Variants in ANKRD30B observed in about 807,000 individuals in gnomAD.
The protein encoded by ANKRD30B is ankyrin repeat domain-containing protein 30B.
Under a neutral mutation model 202.2 loss-of-function variants are expected in ANKRD30B, and 144 were observed. That is an observed-to-expected ratio of 0.71 (90% confidence interval 0.62 to 0.82). ANKRD30B has a LOEUF of 0.82. Among genes scored for constraint, ANKRD30B ranks in the 40% least tolerant of loss-of-function variants. The pLI, the probability that ANKRD30B is intolerant of heterozygous loss-of-function variation, is 0.00. For missense variants in ANKRD30B, 1,487 were observed against 1,669.1 expected (o/e 0.89, Z 1.90); for synonymous variants, 508 against 561.3 (o/e 0.91, Z 1.34).
chr18:14,815,728 G>A (rs1239237085), intron 30 of ANKRD30B, among the ~76,000 whole-genome samples: 2 of 152,218 alleles, frequency 1.3e-5, no homozygotes, highest in African/African-American at 4.8e-5. Flanking sequence ...TTTTAACATA[G>A]AAAATGTTAT....
At chr18:14,912,275 A>G in the ANKRD30B span, among the ~76,000 whole-genome samples, 6 of 152,202 alleles carry the variant, frequency 3.9e-5, no homozygotes, top group Non-Finnish European at 8.8e-5. Context: ...GACCTTTATT[A>G]TGATGAGCTG....
chr18:14,886,794 G>T, the ANKRD30B span, among the ~76,000 whole-genome samples: 1 of 152,046 alleles, frequency 6.6e-6, no homozygotes, highest in Non-Finnish European at 1.5e-5. Context: ...CCCTCAATAT[G>T]CTCACAAGAC....
At chr18:14,792,886 C>A (rs1424165382) in intron 16 of ANKRD30B, among the ~76,000 whole-genome samples, 2 of 151,978 alleles carry the variant, frequency 1.3e-5, no homozygotes, top group Admixed American at 6.6e-5. Context: ...ACATGATATA[C>A]CAAACCAGAC....
intron 36 of ANKRD30B, among the ~76,000 whole-genome samples, chr18:14,839,735 A>G (rs548815132): frequency 1.6e-4 from 25 of 152,328 alleles, no homozygotes; most frequent in Middle Eastern, 3.4e-3. Context: ...GCAGTTCTGT[A>G]TCAGCAAAAA....
chr18:14,852,533 A>T, intron 42 of ANKRD30B, 113 bp downstream of exon 42: 1 of 1,296,778 alleles, frequency 7.7e-7, no homozygotes, highest in Non-Finnish European at 1.0e-6. Context: ...AAATGTACTT[A>T]CTATATCAGC....
chr18:14,786,249 C>A (rs1183487909), intron 14 of ANKRD30B, among the ~76,000 whole-genome samples: 1 of 152,080 alleles, frequency 6.6e-6, no homozygotes, highest in Non-Finnish European at 1.5e-5. Flanking sequence ...CATTTTCTGT[C>A]TTATGTGCCT....
the ANKRD30B span, among the ~76,000 whole-genome samples, chr18:14,939,096 C>G: frequency 6.6e-6 from 1 of 152,210 alleles, no homozygotes; most frequent in Non-Finnish European, 1.5e-5. Flanking sequence ...TCTCTTGTCT[C>G]TTCAAAGTGA....
downstream of ANKRD30B, among the ~76,000 whole-genome samples, chr18:14,856,125 A>G (rs1419480433): frequency 7.9e-6 from 1 of 126,806 alleles, no homozygotes; most frequent in Non-Finnish European, 1.7e-5. Flanking sequence ...CGGGGAGACC[A>G]GGAAGAGGTG....
chr18:14,780,606 G>A (rs911143764), intron 11 of ANKRD30B, among the ~76,000 whole-genome samples: 3 of 152,200 alleles, frequency 2.0e-5, no homozygotes, highest in Middle Eastern at 3.2e-3. Flanking sequence ...GGTGAAATTT[G>A]GCCAAAAATT....
At chr18:14,820,482 T>C (rs909653316) in intron 30 of ANKRD30B, among the ~76,000 whole-genome samples, 3 of 152,180 alleles carry the variant, frequency 2.0e-5, no homozygotes, top group Non-Finnish European at 4.4e-5. Flanking sequence ...CCATTCAGTA[T>C]GATATTGGCT....
downstream of ANKRD30B, among the ~76,000 whole-genome samples, chr18:14,859,117 G>A (rs1297756672): frequency 8.9e-5 from 12 of 135,372 alleles, no homozygotes; most frequent in South Asian, 2.2e-4. Flanking sequence ...GGGCAGAGGC[G>A]CTCCTCACCT....
At chr18:14,807,221 A>C (rs1432300403) in intron 24 of ANKRD30B, among the ~76,000 whole-genome samples, 1 of 151,064 alleles carries the variant, frequency 6.6e-6, no homozygotes, top group Non-Finnish European at 1.5e-5. Flanking sequence ...AAAGTAGAGA[A>C]AAATGAGAGA....
At chr18:14,928,254 C>A in the ANKRD30B span, among the ~76,000 whole-genome samples, 1 of 152,160 alleles carries the variant, frequency 6.6e-6, no homozygotes, top group East Asian at 1.9e-4. Flanking sequence ...AGGCGCGAGT[C>A]ACCACGCCTG....
intron 6 of ANKRD30B, among the ~76,000 whole-genome samples, chr18:14,762,038 C>T (rs1464891049): frequency 6.6e-6 from 1 of 151,990 alleles, no homozygotes; most frequent in African/African-American, 2.4e-5. Context: ...GGTATTCTTA[C>T]AATAAAGTGA....
In ANKRD30B at chr18:14,852,102, C is replaced by A; in HGVS notation, c.4158C>A (p.Asp1386Glu). The A allele has an allele frequency of 1.2e-6, 2 of 1,607,974 alleles. No individual in the cohort carries two copies. The highest frequency in any genetic ancestry group is 1.7e-6 in the Non-Finnish European group (2 of 1,176,578). ...NALVSEHAQR[D>E]RCETQCQMKK... ...TGGTTTCAGAACATGCACAAAGAGA[C>A]CGATGTGAAACACAGTGTCAAATGA... is the stretch of plus-strand genomic sequence containing the variant. Residue 1386 changes from aspartate to glutamate, a missense_variant, in exon 42 of 44, where the codon GAC (aspartate) becomes GAA (glutamate). Physicochemically the swap from Asp to Glu is conservative, Grantham distance 45 (BLOSUM62 2). Transcript: ENST00000690538.
At chr18:14,806,995 T>C (rs551796506) in intron 24 of ANKRD30B, among the ~76,000 whole-genome samples, 3 of 151,146 alleles carry the variant, frequency 2.0e-5, no homozygotes, top group East Asian at 3.9e-4. Flanking sequence ...ATTTAAAGTG[T>C]ATTGAATACA....
the ANKRD30B span, among the ~76,000 whole-genome samples, chr18:14,899,254 A>C: frequency 6.6e-6 from 1 of 152,088 alleles, no homozygotes; most frequent in Non-Finnish European, 1.5e-5. Context: ...AATGTTCTTC[A>C]TTTTCTTTAA....
chr18:14,792,046 A>G (rs1195348374), intron 16 of ANKRD30B, among the ~76,000 whole-genome samples: 3 of 152,204 alleles, frequency 2.0e-5, no homozygotes, highest in African/African-American at 7.2e-5. Context: ...ATAGTTGAGA[A>G]TAAGCATATA....
the ANKRD30B span, among the ~76,000 whole-genome samples, chr18:14,906,352 C>T: frequency 1.3e-5 from 2 of 152,236 alleles, no homozygotes; most frequent in East Asian, 3.9e-4. Flanking sequence ...TAATAAAAAT[C>T]TATCTCCCAT....
Sources: gnomAD v4.1 joint callset for allele counts (sites outside exome capture counted in the v4.1 genomes callset) on GRCh38, gnomAD v4.1.1 for gene constraint, MANE v1.5 for transcripts, NCBI Gene and HGNC (gene_info 2026-07-23, HGNC 2026-07-21) for gene names.